NSF: variants seen among roughly 807,000 people sequenced by gnomAD.
NSF encodes N-ethylmaleimide sensitive factor, vesicle fusing ATPase.
In NSF, 14 loss-of-function variants were observed where a neutral mutation model predicts 50.3. The observed-to-expected ratio is 0.28, with a 90% CI of 0.18 to 0.44. NSF has a LOEUF of 0.44. Ranked by LOEUF, NSF falls within the 20% of genes least tolerant of loss-of-function variation. The pLI, the probability that NSF is intolerant of heterozygous loss-of-function variation, is 1.00. For missense variants in NSF, 218 were observed against 504.3 expected, an observed-to-expected ratio of 0.43 and a Z score of 5.44; for synonymous variants, 109 against 175.7, an observed-to-expected ratio of 0.62 and a Z score of 3.00.
In NSF at chr17:46,738,435, GA is replaced by G. The variant is rs1337645046; in HGVS notation, c.1908+9508del. On this transcript the variant is annotated intron_variant, in intron 17 of 20. Coordinates refer to ENST00000398238, the MANE Select transcript of NSF (RefSeq NM_006178.4). ...ATTATACTTTAGCCTTTTTTAAGAG[GA>G]AAAAAATTGCTACATACATTCTTAG... Among the ~76,000 whole-genome samples the G allele has an allele frequency of 2.0e-5, 3 of 151,930 alleles. No individual in the cohort carries two copies. The East Asian group carries it at 5.8e-4, about 29-fold the overall frequency.
rs1598713800 is a variant in NSF at position 46,721,182 on chromosome 17, C to T, written c.1762-5367C>T. On this transcript the variant is annotated intron_variant, in intron 15 of 20. Transcript: ENST00000398238. ...GCCTTAAGCCCAGGCTCCCCACACT[C>T]TGGGTTGTCTCTCATACCCCTCCAG... Among the ~76,000 whole-genome samples the T allele has an allele frequency of 2.6e-5, 4 of 152,356 alleles. No individual in the cohort carries two copies. In the South Asian group the frequency reaches 8.3e-4, roughly 32 times the overall value.
At chr17:46,721,072 A>G (rs1242180825) in intron 15 of NSF, among the ~76,000 whole-genome samples, 3 of 152,182 alleles carry the variant, frequency 2.0e-5, no homozygotes, top group African/African-American at 7.2e-5. Context: ...TGAGCACCAC[A>G]TTCAGACCTG....
At chr17:46,722,023 G>T in intron 15 of NSF, 1 of 1,608,494 alleles carries the variant, frequency 6.2e-7, no homozygotes, top group South Asian at 1.1e-5. Flanking sequence ...CAGTTTCCTT[G>T]GCTGCCGTAA....
intron 15 of NSF, among the ~76,000 whole-genome samples, chr17:46,724,645 A>G (rs2058868302): frequency 6.6e-6 from 1 of 152,218 alleles, no homozygotes; most frequent in Admixed American, 6.5e-5. Context: ...ATGCTTTGTT[A>G]TAATTACATG....
intron 1 of NSF, among the ~76,000 whole-genome samples, chr17:46,598,869 TC>T (rs1340422026): frequency 2.7e-5 from 4 of 146,444 alleles, no homozygotes; most frequent in Non-Finnish European, 6.0e-5. Context: ...GTAGTCCATT[TC>T]CTGAATGAAA....
intron 17 of NSF, among the ~76,000 whole-genome samples, chr17:46,734,034 T>C (rs1208882039): frequency 1.3e-5 from 2 of 152,198 alleles, no homozygotes; most frequent in Admixed American, 6.5e-5. Context: ...ATGAGTTTTG[T>C]TTTTAACATC....
intron 17 of NSF, among the ~76,000 whole-genome samples, chr17:46,735,143 G>A (rs972026559): frequency 6.6e-6 from 1 of 152,080 alleles, no homozygotes; most frequent in East Asian, 1.9e-4. Context: ...TCAAAATAGG[G>A]TTTTGTTTTG....
intron 17 of NSF, among the ~76,000 whole-genome samples, chr17:46,741,484 C>T (rs1293660044): frequency 6.6e-6 from 1 of 152,054 alleles, no homozygotes; most frequent in Non-Finnish European, 1.5e-5. Flanking sequence ...GAATTTGCTT[C>T]AGGGTAAAAT....
chr17:46,699,465 C>CT (rs1205329135), intron 12 of NSF, among the ~76,000 whole-genome samples: 1 of 152,202 alleles, frequency 6.6e-6, no homozygotes, highest in African/African-American at 2.4e-5. Context: ...AGTCAAAGCT[C>CT]TAAGTTATGT....
chr17:46,747,707 T>G (rs1379503918), intron 17 of NSF, among the ~76,000 whole-genome samples: 1 of 152,212 alleles, frequency 6.6e-6, no homozygotes, highest in Admixed American at 6.5e-5. Context: ...AAATTGATAC[T>G]AACCTGAAAA....
Position 46,711,158 on chromosome 17 carries a change from A to G in NSF, c.1627+39A>G, listed in dbSNP as rs571045121. Reference sequence around the variant, plus strand: ...AGGAGATGGCATTAAAAGTTAAAGGAAAAAAAGCAGCATTTTTTAAAAGCC... The same window carrying G: ...AGGAGATGGCATTAAAAGTTAAAGGGAAAAAAGCAGCATTTTTTAAAAGCC... On this transcript the variant is annotated intron_variant, in intron 14 of 20. Transcript: ENST00000398238. 48 of 1,454,256 alleles carry G rather than the reference A, an allele frequency of 3.3e-5. No individual in the cohort carries two copies. The South Asian group carries it at 5.1e-4, about 15-fold the overall frequency. The allele number at this position is 1,454,256 out of a possible 1,614,324, so 90.1% of individuals were successfully genotyped here.
rs2058836808 is a variant in NSF, at chr17:46,722,102, G to C, written c.1762-4447G>C. 6 of 1,611,406 alleles carry C rather than the reference G, an allele frequency of 3.7e-6. No homozygotes were observed. The South Asian group carries it at 6.6e-5, about 18-fold the overall frequency. ...CAGCTCCAGAAGAGCCTGGGAGATGGCCGGACTCGAACTCGTCCGGCTTCT... is the reference window on the plus strand; with the variant it reads ...CAGCTCCAGAAGAGCCTGGGAGATGCCCGGACTCGAACTCGTCCGGCTTCT... On this transcript the variant is annotated intron_variant, in intron 15 of 20. Transcript: ENST00000398238.
At chr17:46,734,671 C>T (rs1489493826) in intron 17 of NSF, among the ~76,000 whole-genome samples, 5 of 151,958 alleles carry the variant, frequency 3.3e-5, no homozygotes, top group African/African-American at 9.7e-5. Context: ...TAGTGAAGCC[C>T]TTTGTAAACC....
intron 13 of NSF, among the ~76,000 whole-genome samples, chr17:46,710,098 A>G (rs990236724): frequency 6.6e-6 from 1 of 152,354 alleles, no homozygotes; most frequent in East Asian, 1.9e-4. Context: ...CAGGTAATCA[A>G]AAGTTGAATT....
intron 15 of NSF, among the ~76,000 whole-genome samples, chr17:46,714,658 T>C (rs957006021): frequency 2.0e-5 from 3 of 152,188 alleles, no homozygotes; most frequent in Non-Finnish European, 4.4e-5. Context: ...CAAAAATCAA[T>C]GATGAAGACT....
rs1221094442 is a variant in NSF at position 46,625,854 on chromosome 17, G to C, written c.99-759G>C. 4.8e-5 allele frequency among the ~76,000 whole-genome samples: 5 copies of C among 103,458 alleles called. No individual in the cohort carries two copies. The East Asian group carries it at 2.2e-3, about 46-fold the overall frequency. 67.9% of individuals were successfully genotyped at this position (103,458 alleles called of 152,430 possible). A position where few individuals can be genotyped will look rare whatever the true frequency, so the allele number is the denominator to read the frequency against. On this transcript the variant is annotated intron_variant, in intron 2 of 20. Transcript: ENST00000398238. ...AGCCCAGGAGTTTGAGGCCAGCCTG[G>C]TCAACATAGCAAGACCACATGTATT...
rs1208936942 is a variant in NSF at position 46,635,818 on chromosome 17, T to TGTGTGTGTGC, written c.239-1557_239-1556insTGTGTGTGCG. On this transcript the variant is annotated intron_variant, in intron 4 of 20. Coordinates refer to ENST00000398238, the MANE Select transcript of NSF (RefSeq NM_006178.4). ...GTGTGTGTGTGTGTGTGTGTGTGTG[T>TGTGTGTGTGC]GCTCGTGTGTGAAGCCTTATTGAAG... Among the ~76,000 whole-genome samples, 65 of 138,336 alleles carry TGTGTGTGTGC rather than the reference T, an allele frequency of 4.7e-4. 1 individual carries two copies. The East Asian group carries it at 7.4e-3, about 16-fold the overall frequency. The allele number at this position is 138,336 out of a possible 152,430, so 90.8% of individuals were successfully genotyped here. A position where few individuals can be genotyped will look rare whatever the true frequency, so the allele number is the denominator to read the frequency against.
chr17:46,722,962 C>T (rs912103970), intron 15 of NSF, among the ~76,000 whole-genome samples: 9 of 152,176 alleles, frequency 5.9e-5, no homozygotes, highest in African/African-American at 2.2e-4. Flanking sequence ...AAAACAAGAA[C>T]GTCACTACTT....
At chr17:46,751,411 C>A in intron 18 of NSF, 92 bp from the exon 19 acceptor site, 1 of 899,504 alleles carries the variant, frequency 1.1e-6, no homozygotes, top group Non-Finnish European at 1.8e-6. Flanking sequence ...TTAGGTAGTT[C>A]TTATCACTCT....
Sources: allele counts gnomAD v4.1 joint callset (sites outside exome capture counted in the v4.1 genomes callset), GRCh38; gene constraint gnomAD v4.1.1; transcripts MANE v1.5; gene names NCBI Gene and HGNC (gene_info 2026-07-23, HGNC 2026-07-21).